The following CTTN variants were observed in gnomAD, a reference collection of about 807,000 sequenced individuals.
The protein encoded by CTTN is cortactin.
A neutral mutation model predicts 84.0 loss-of-function variants in CTTN; 28 were observed. The observed-to-expected ratio is 0.33, with a 90% CI of 0.25 to 0.46. The LOEUF (loss-of-function observed/expected upper bound fraction) is 0.46. Ranked by LOEUF, CTTN falls within the 20% of genes least tolerant of loss-of-function variation. The probability of loss-of-function intolerance (pLI) is 1.00; values close to 1 mark genes in which losing one functional copy is unlikely to be tolerated. For missense variants in CTTN, 641 were observed against 723.8 expected (o/e 0.89, Z 1.31); for synonymous variants, 301 against 288.8 (o/e 1.04, Z -0.43).
Position 70,422,954 on chromosome 11 carries a change from T to C in CTTN, c.916T>C (p.Phe306Leu), listed in dbSNP as rs776665823. The change falls in exon 12 of 18, where the codon TTC becomes CTC. Residue 306 changes from phenylalanine to leucine, a missense_variant. Around this residue, in one of 3 missense-constraint regions of CTTN, gnomAD observed 289 missense variants for 273.1 expected, o/e 1.06. Transcript: ENST00000301843. ...CCACGTTTCAGACTACTCCAAAGGATTCGGCGGGAAGTATGGGGTGCAGAA... is the reference window on the plus strand; with the variant it reads ...CCACGTTTCAGACTACTCCAAAGGACTCGGCGGGAAGTATGGGGTGCAGAA... ...HESQQDYSKG[F>L]GGKYGVQKDR... 6.2e-7 allele frequency: 1 copy of C among 1,614,028 alleles called. No homozygotes were observed. Among genetic ancestry groups the C allele is most frequent in the Admixed American group, 1.7e-5 (1 of 60,004 alleles).
Position 70,422,945 on chromosome 11 carries a change from T to C in CTTN, c.907T>C (p.Ser303Pro). ...TGTGTTTTGCCACGTTTCAGACTAC[T>C]CCAAAGGATTCGGCGGGAAGTATGG... Reference protein sequence around the residue: ...LAKHESQQDYSKGFGGKYGVQ... With the variant: ...LAKHESQQDYPKGFGGKYGVQ... The change falls in exon 12 of 18, where the codon TCC (serine) becomes CCC (proline). Residue 303 changes from serine to proline, a missense_variant. Coordinates refer to ENST00000301843, the MANE Select transcript of CTTN (RefSeq NM_005231.4). 6.2e-7 allele frequency: 1 copy of C among 1,614,096 alleles called. No homozygotes were observed. Among genetic ancestry groups the C allele is most frequent in the Non-Finnish European group, 8.5e-7 (1 of 1,180,036 alleles).
In CTTN at chr11:70,436,030, G is replaced by C; in HGVS notation, c.*868G>C. ...GCCACCGGGCAGCCTGGGGCGGTGT[G>C]TGTGCCATGTCACAGCATGGCCTCT... On this transcript the variant is annotated 3_prime_UTR_variant, in exon 18 of 18. Transcript: ENST00000301843. 1 of 1,426,490 alleles carries C rather than the reference G, an allele frequency of 7.0e-7. No homozygotes were observed. Among genetic ancestry groups the C allele is most frequent in the Non-Finnish European group, 9.1e-7 (1 of 1,096,516 alleles). 88.4% of individuals were successfully genotyped at this position (1,426,490 alleles called of 1,614,324 possible). A position where few individuals can be genotyped will look rare whatever the true frequency, so the allele number is the denominator to read the frequency against.
Position 70,435,253 on chromosome 11 carries a change from GTTT to G in CTTN, c.*114_*116del, listed in dbSNP as rs370623790. 0.13 allele frequency: 116,167 copies of G among 905,240 alleles called. 739 individuals carry two copies. The highest frequency in any genetic ancestry group is 0.14 in the Middle Eastern group (291 of 2,134). 56.1% of individuals were successfully genotyped at this position (905,240 alleles called of 1,614,324 possible). Reference sequence around the variant, plus strand: ...TCTTGGGTGGTTTTGGGTTTTTTCTGTTTTTTTTTTTTTTTTTTTTTTTTTGAA... The same window carrying G: ...TCTTGGGTGGTTTTGGGTTTTTTCTGTTTTTTTTTTTTTTTTTTTTTTGAA... On this transcript the variant is annotated 3_prime_UTR_variant, in exon 18 of 18. Coordinates refer to ENST00000301843, the MANE Select transcript of CTTN (RefSeq NM_005231.4).
chr11:70,412,548 G>A (rs1399754097), intron 5 of CTTN, among the ~76,000 whole-genome samples: 1 of 152,216 alleles, frequency 6.6e-6, no homozygotes, highest in African/African-American at 2.4e-5. Flanking sequence ...AAGACTTGAG[G>A]AATATGTGCT....
chr11:70,407,083 C>T (rs777254798), intron 2 of CTTN, among the ~76,000 whole-genome samples: 1 of 152,184 alleles, frequency 6.6e-6, no homozygotes, highest in Non-Finnish European at 1.5e-5. Flanking sequence ...ATATTTCTGA[C>T]GTCAGGTGAC....
At chr11:70,398,981 G>A (rs1459690932) in intron 1 of CTTN, among the ~76,000 whole-genome samples, 1 of 151,062 alleles carries the variant, frequency 6.6e-6, no homozygotes, top group African/African-American at 2.4e-5. Flanking sequence ...GCAGGAGAGG[G>A]GCCAGGCTGG....
Position 70,435,558 on chromosome 11 carries a change from C to T in CTTN, c.*396C>T, listed in dbSNP as rs1477106795. The T allele has an allele frequency of 1.3e-6, 2 of 1,576,986 alleles. No individual in the cohort carries two copies. The highest frequency in any genetic ancestry group is 1.7e-6 in the Non-Finnish European group (2 of 1,169,416). On this transcript the variant is annotated 3_prime_UTR_variant, in exon 18 of 18. Coordinates refer to ENST00000301843, the MANE Select transcript of CTTN (RefSeq NM_005231.4). ...CCAGGACAAGCACGAGGCCTCAGGTCGGCCCTGTGGCGGGTAGGCAGGAAG... is the reference window on the plus strand; with the variant it reads ...CCAGGACAAGCACGAGGCCTCAGGTTGGCCCTGTGGCGGGTAGGCAGGAAG...
intron 2 of CTTN, among the ~76,000 whole-genome samples, chr11:70,405,788 G>A (rs528171572): frequency 6.6e-5 from 10 of 152,308 alleles, no homozygotes; most frequent in East Asian, 5.8e-4. Context: ...GACACCTGCC[G>A]CCTTTCTCCT....
intron 1 of CTTN, among the ~76,000 whole-genome samples, chr11:70,400,628 C>T (rs768436701): frequency 5.9e-5 from 9 of 152,198 alleles, no homozygotes; most frequent in Non-Finnish European, 1.2e-4. Flanking sequence ...GTTTTTAAAA[C>T]ACTTTTAAAA....
chr11:70,433,163 G>T lies in CTTN; in HGVS notation c.1329G>T (p.Glu443Asp), dbSNP rs1162341356. 8 of 1,613,700 alleles carry T rather than the reference G, an allele frequency of 5.0e-6. No individual in the cohort carries two copies. The African/African-American group carries it at 9.3e-5, about 19-fold the overall frequency. ...GCCCTGTGAGTGGGACGGAGCCGGA[G>T]CCCGTGTACAGCATGGAGGCCGCTG... ...YRGPVSGTEP[E>D]PVYSMEAADY... Residue 443 changes from glutamate (E) to aspartate (D), a missense_variant, in exon 16 of 18, where the codon GAG becomes GAT. Transcript: ENST00000301843.
intron 12 of CTTN, among the ~76,000 whole-genome samples, chr11:70,424,307 T>G (rs1352907575): frequency 6.6e-6 from 1 of 151,894 alleles, no homozygotes; most frequent in Non-Finnish European, 1.5e-5. Flanking sequence ...GTGTTGTGGG[T>G]GTCTGTGGTC....
At chr11:70,402,806 T>A (rs980063306) in intron 1 of CTTN, among the ~76,000 whole-genome samples, 1 of 152,234 alleles carries the variant, frequency 6.6e-6, no homozygotes, top group African/African-American at 2.4e-5. Context: ...CACAAGTTTT[T>A]GTGTGCTTAT....
Position 70,435,568 on chromosome 11 carries a change from G to T in CTTN, c.*406G>T, listed in dbSNP as rs758177843. 6.4e-7 allele frequency: 1 copy of T among 1,563,750 alleles called. No homozygotes were observed. Among genetic ancestry groups the T allele is most frequent in the Non-Finnish European group, 8.6e-7 (1 of 1,161,416 alleles). ...CACGAGGCCTCAGGTCGGCCCTGTG[G>T]CGGGTAGGCAGGAAGGACTGTCCCA... On this transcript the variant is annotated 3_prime_UTR_variant, in exon 18 of 18. Coordinates refer to ENST00000301843, the MANE Select transcript of CTTN (RefSeq NM_005231.4).
chr11:70,430,379 T>C (rs2058341440), intron 14 of CTTN, among the ~76,000 whole-genome samples: 1 of 152,234 alleles, frequency 6.6e-6, no homozygotes, highest in South Asian at 2.1e-4. Context: ...CTTATAGCTC[T>C]GGAGGTCAGA....
At position 70,399,381 on chromosome 11, in the gene CTTN, G is replaced by A. The variant is rs529076129; in HGVS notation, c.-98+767G>A. 2.5e-4 allele frequency among the ~76,000 whole-genome samples: 38 copies of A among 151,728 alleles called. No homozygotes were observed. In the South Asian group the frequency reaches 7.3e-3, roughly 29 times the overall value. On this transcript the variant is annotated intron_variant, in intron 1 of 17. Transcript: ENST00000301843. Reference sequence around the variant, plus strand: ...CCAGGGGAAGGGATCCAGGCGCAGGGAAAAGGGATGGGGTCCGCGGGGTCA... The same window carrying A: ...CCAGGGGAAGGGATCCAGGCGCAGGAAAAAGGGATGGGGTCCGCGGGGTCA...
intron 12 of CTTN, among the ~76,000 whole-genome samples, chr11:70,424,431 C>G (rs749580661): frequency 6.6e-6 from 1 of 152,040 alleles, no homozygotes; most frequent in African/African-American, 2.4e-5. Context: ...GAGCTTCTCT[C>G]TCTGTTTGCT....
At chr11:70,434,003 G>A (rs2058385909) in intron 17 of CTTN, among the ~76,000 whole-genome samples, 1 of 152,170 alleles carries the variant, frequency 6.6e-6, no homozygotes, top group South Asian at 2.1e-4. Flanking sequence ...ACTCCAGCGT[G>A]TTTCCCAAGA....
At chr11:70,429,769 G>C (rs182996072) in intron 14 of CTTN, among the ~76,000 whole-genome samples, 2 of 152,262 alleles carry the variant, frequency 1.3e-5, no homozygotes. Flanking sequence ...TGGGTGCTTT[G>C]GGTCTAGCCT....
intron 1 of CTTN, among the ~76,000 whole-genome samples, chr11:70,401,912 A>G (rs910386183): frequency 5.9e-5 from 9 of 152,130 alleles, no homozygotes; most frequent in African/African-American, 2.2e-4. Flanking sequence ...GCACTTTGAG[A>G]GGCTGAGGCT....
Sources: allele counts gnomAD v4.1 joint callset (sites outside exome capture counted in the v4.1 genomes callset), GRCh38; gene constraint gnomAD v4.1.1; regional missense constraint gnomAD v4.1.1; transcripts MANE v1.5; gene names NCBI Gene and HGNC (gene_info 2026-07-23, HGNC 2026-07-21).